CPOX: variants seen among roughly 807,000 people sequenced by gnomAD.
CPOX encodes coproporphyrinogen oxidase.
Under a neutral mutation model 48.9 loss-of-function variants are expected in CPOX, and 24 were observed. That is an observed-to-expected ratio of 0.49 (90% confidence interval 0.36 to 0.69). The LOEUF (loss-of-function observed/expected upper bound fraction) is 0.69, where lower values mean the gene tolerates loss of function less well. CPOX is among the 30% of genes least tolerant of loss of function. The pLI, the probability that CPOX is intolerant of heterozygous loss-of-function variation, is 0.00. For synonymous variants in CPOX, 249 were observed against 234.6 expected (o/e 1.06, Z -0.56); for missense variants, 549 against 597.3 (o/e 0.92, Z 0.84).
rs552752095 is a variant in CPOX at position 98,591,080 on chromosome 3, T to C, written c.632A>G (p.His211Arg). The C allele has an allele frequency of 1.4e-4, 223 of 1,614,172 alleles. 2 individuals carry two copies. In the South Asian group the frequency reaches 2.1e-3, roughly 15 times the overall value. Residue 211 changes from histidine (H) to arginine (R), a missense_variant, in exon 2 of 7, where the codon CAT becomes CGT. Physicochemically the swap from His to Arg is conservative, Grantham distance 29. Coordinates refer to ENST00000647941, the MANE Select transcript of CPOX (RefSeq NM_000097.7). ...TGCAGCTTCCTCTGAAAGATTTCCA[T>C]GAACAACAGAAATGCTCACCCCAGC... ...EKAGVSISVV[H>R]GNLSEEAAKQ...
At chr3:98,579,275 G>T, downstream of CPOX, among the ~76,000 whole-genome samples, 1 of 152,204 alleles carries the variant, frequency 6.6e-6, no homozygotes, top group East Asian at 1.9e-4. Flanking sequence ...GTCAACAGGA[G>T]GCTATTAGTG....
the CPOX span, among the ~76,000 whole-genome samples, chr3:98,574,340 G>A: frequency 6.6e-6 from 1 of 152,136 alleles, no homozygotes; most frequent in African/African-American, 2.4e-5. Context: ...TTCCACACAC[G>A]AGGGCACGTC....
chr3:98,591,104 G>A lies in CPOX; in HGVS notation c.608C>T (p.Ala203Val). The A allele has an allele frequency of 6.2e-7, 1 of 1,614,052 alleles. No individual in the cohort carries two copies. The highest frequency in any genetic ancestry group is 8.5e-7 in the Non-Finnish European group (1 of 1,179,968). ...ATGAACAACAGAAATGCTCACCCCA[G>A]CCTTTTCGAAAACACACCCATCTTG... The part of the protein sequence containing the change: ...VLQDGCVFEK[A>V]GVSISVVHGN... The change falls in exon 2 of 7, where the codon GCT becomes GTT. Residue 203 changes from alanine (A) to valine (V), a missense_variant. Around this residue, in one of 2 missense-constraint regions of CPOX, gnomAD observed 336 missense variants for 318.1 expected, o/e 1.06. Coordinates refer to ENST00000647941, the MANE Select transcript of CPOX (RefSeq NM_000097.7).
At chr3:98,589,236 T>C (rs2107127482) in intron 3 of CPOX, among the ~76,000 whole-genome samples, 1 of 152,192 alleles carries the variant, frequency 6.6e-6, no homozygotes, top group East Asian at 1.9e-4. Flanking sequence ...GGAGAATCAC[T>C]TGAACCCAGG....
intron 5 of CPOX, 116 bp from the exon 6 acceptor site, chr3:98,581,627 C>T: frequency 1.3e-6 from 1 of 790,168 alleles, no homozygotes; most frequent in Non-Finnish European, 2.2e-6. Flanking sequence ...TCAGCTGGAA[C>T]TGGCACAGAG....
chr3:98,590,041 T>G (rs897659902), intron 3 of CPOX, among the ~76,000 whole-genome samples: 2 of 152,268 alleles, frequency 1.3e-5, no homozygotes, highest in Admixed American at 1.3e-4. Flanking sequence ...GTAATGAATT[T>G]ATGTTTGCAA....
Position 98,579,670 on chromosome 3 carries a change from T to C in CPOX, c.*1013A>G, listed in dbSNP as rs1707214374. On this transcript the variant is annotated 3_prime_UTR_variant, in exon 7 of 7. Coordinates refer to ENST00000647941, the MANE Select transcript of CPOX (RefSeq NM_000097.7). ...AAGAAATCATACATTAAGAATCCTGTTGTGATTTGCTCTTAAGAGCAAAGA... is the reference window on the plus strand; with the variant it reads ...AAGAAATCATACATTAAGAATCCTGCTGTGATTTGCTCTTAAGAGCAAAGA... 1 of 984,826 alleles carries C rather than the reference T, an allele frequency of 1.0e-6. No individual in the cohort carries two copies. The highest frequency in any genetic ancestry group is 1.2e-6 in the Non-Finnish European group (1 of 829,472). 61.0% of individuals were successfully genotyped at this position (984,826 alleles called of 1,614,324 possible).
the CPOX span, among the ~76,000 whole-genome samples, chr3:98,574,430 C>T: frequency 1.3e-5 from 2 of 152,034 alleles, no homozygotes; most frequent in Non-Finnish European, 2.9e-5. Context: ...GGGTGGGTGG[C>T]AGAGAGGTAA....
downstream of CPOX, among the ~76,000 whole-genome samples, chr3:98,574,606 G>C (rs1238877441): frequency 1.3e-5 from 2 of 152,166 alleles, no homozygotes; most frequent in African/African-American, 4.8e-5. Context: ...TTTTGAGACA[G>C]AGTTTCGCGC....
At chr3:98,581,897 G>A (rs564646735) in intron 5 of CPOX, among the ~76,000 whole-genome samples, 1 of 152,146 alleles carries the variant, frequency 6.6e-6, no homozygotes, top group Non-Finnish European at 1.5e-5. Context: ...GAATGTTTTG[G>A]ACTCAAAGAT....
the CPOX span, among the ~76,000 whole-genome samples, chr3:98,571,545 G>T: frequency 6.6e-6 from 1 of 151,086 alleles, no homozygotes; most frequent in Admixed American, 6.6e-5. Flanking sequence ...AAAATTAGCC[G>T]GGCGTAGTGG....
chr3:98,590,540 T>A (rs1419269691), intron 3 of CPOX, 92 bp downstream of exon 3: 1 of 922,718 alleles, frequency 1.1e-6, no homozygotes, highest in East Asian at 2.5e-5. Flanking sequence ...ATTAAGACTA[T>A]TCTTTCTCGC....
chr3:98,583,998 G>A (rs1194010661), intron 5 of CPOX, among the ~76,000 whole-genome samples: 1 of 152,150 alleles, frequency 6.6e-6, no homozygotes, highest in Non-Finnish European at 1.5e-5. Context: ...CCTATCTCAT[G>A]ACACCAGACA....
intron 3 of CPOX, 106 bp from the exon 4 acceptor site, chr3:98,588,960 G>T: frequency 7.6e-7 from 1 of 1,321,782 alleles, no homozygotes; most frequent in South Asian, 1.2e-5. Flanking sequence ...GCATAAAATG[G>T]ATGACAATAA....
At chr3:98,591,743 T>C (rs1433297408) in intron 1 of CPOX, among the ~76,000 whole-genome samples, 2 of 152,326 alleles carry the variant, frequency 1.3e-5, no homozygotes, top group African/African-American at 2.4e-5. Flanking sequence ...CAATGTTTCA[T>C]GAAAGTTCAT....
rs777132237 is a variant in CPOX at position 98,593,312 on chromosome 3, C to G, written c.193G>C (p.Gly65Arg). The G allele has an allele frequency of 4.2e-6, 6 of 1,436,854 alleles. No homozygotes were observed. Among genetic ancestry groups the G allele is most frequent in the South Asian group, 1.5e-5 (1 of 67,116 alleles). The allele number at this position is 1,436,854 out of a possible 1,614,324, so 89.0% of individuals were successfully genotyped here. A position where few individuals can be genotyped will look rare whatever the true frequency, so the allele number is the denominator to read the frequency against. The part of the protein sequence containing the change: ...GTEQSRGLGH[G>R]STSRGGPWVG... ...CAGGGGCCGCCTCTCGACGTCGAGC[C>G]GTGCCCCAGCCCGCGGCTCTGCTCC... The change falls in exon 1 of 7, where the codon GGC (glycine) becomes CGC (arginine). Residue 65 changes from glycine (G) to arginine (R), a missense_variant. Physicochemically the swap from Gly to Arg is moderately radical, Grantham distance 125 (BLOSUM62 -2). Around this residue, in one of 2 missense-constraint regions of CPOX, gnomAD observed 336 missense variants for 318.1 expected, o/e 1.06. Transcript: ENST00000647941.
At chr3:98,577,472 G>A (rs891021168), downstream of CPOX, among the ~76,000 whole-genome samples, 1 of 152,154 alleles carries the variant, frequency 6.6e-6, no homozygotes, top group Non-Finnish European at 1.5e-5. Context: ...AGGAAACCAG[G>A]AGCCATTTCA....
the CPOX span, among the ~76,000 whole-genome samples, chr3:98,573,538 C>T: frequency 6.7e-6 from 1 of 150,302 alleles, no homozygotes; most frequent in Non-Finnish European, 1.5e-5. Flanking sequence ...TCCCTCCTTC[C>T]TTGCTTTTCT....
chr3:98,571,046 C>G, the CPOX span, among the ~76,000 whole-genome samples: 6 of 152,316 alleles, frequency 3.9e-5, no homozygotes, highest in East Asian at 9.6e-4. Flanking sequence ...TTTATATACA[C>G]ATAACATGAG....
Sources: allele counts gnomAD v4.1 joint callset (sites outside exome capture counted in the v4.1 genomes callset), GRCh38; gene constraint gnomAD v4.1.1; regional missense constraint gnomAD v4.1.1; transcripts MANE v1.5; gene names NCBI Gene and HGNC (gene_info 2026-07-23, HGNC 2026-07-21).